RBFOX1: variants seen among roughly 807,000 people sequenced by gnomAD.
The protein encoded by RBFOX1 is RNA binding fox-1 homolog 1.
A neutral mutation model predicts 57.7 loss-of-function variants in RBFOX1; 8 were observed. The ratio of observed to expected loss-of-function variants is 0.14; its 90% CI spans 0.08 to 0.25. The LOEUF (loss-of-function observed/expected upper bound fraction) is 0.25. Among genes scored for constraint, RBFOX1 ranks in the 10% least tolerant of loss-of-function variants. The pLI is 1.00. For missense variants in RBFOX1, 611 were observed against 548.5 expected (o/e 1.11, Z -1.14); for synonymous variants, 326 against 222.4 (o/e 1.47, Z -4.15).
intron 4 of RBFOX1, among the ~76,000 whole-genome samples, chr16:7,359,338 G>T (rs1373705266): frequency 6.6e-6 from 1 of 152,186 alleles, no homozygotes; most frequent in Non-Finnish European, 1.5e-5. Context: ...CACATAGTAA[G>T]CACCTGTTAT....
intron 4 of RBFOX1, among the ~76,000 whole-genome samples, chr16:7,374,999 A>T (rs1243899869): frequency 2.6e-5 from 4 of 152,168 alleles, no homozygotes; most frequent in African/African-American, 9.7e-5. Flanking sequence ...GTGAGAGGAG[A>T]TGTAGAGATA....
intron 4 of RBFOX1, among the ~76,000 whole-genome samples, chr16:5,872,586 A>C (rs2057501437): frequency 6.6e-6 from 1 of 151,866 alleles, no homozygotes; most frequent in Admixed American, 6.6e-5. Context: ...AGAAAAAAAA[A>C]ATTGGCAGGT....
chr16:7,027,974 G>C (rs2041485727), intron 3 of RBFOX1, among the ~76,000 whole-genome samples: 3 of 151,664 alleles, frequency 2.0e-5, no homozygotes, highest in African/African-American at 4.8e-5. Flanking sequence ...AAGAAACAAG[G>C]GTGGAAGGAC....
intron 3 of RBFOX1, among the ~76,000 whole-genome samples, chr16:5,812,571 C>A (rs2055473484): frequency 6.6e-6 from 1 of 151,306 alleles, no homozygotes; most frequent in African/African-American, 2.4e-5. Context: ...GGGATCTTCT[C>A]CCCTTAGCCT....
At chr16:6,052,779 G>A (rs901741350) in intron 1 of RBFOX1, among the ~76,000 whole-genome samples, 3 of 140,968 alleles carry the variant, frequency 2.1e-5, no homozygotes, top group Non-Finnish European at 4.7e-5. Flanking sequence ...GCGAGACTCC[G>A]TCTCAAAAAA....
intron 3 of RBFOX1, among the ~76,000 whole-genome samples, chr16:7,039,352 C>T (rs920703718): frequency 2.0e-5 from 3 of 152,186 alleles, no homozygotes; most frequent in Non-Finnish European, 2.9e-5. Flanking sequence ...AAGATTTTTA[C>T]AGCAGATAAT....
intron 1 of RBFOX1, among the ~76,000 whole-genome samples, chr16:5,389,969 G>A (rs2066359961): frequency 6.6e-6 from 1 of 152,044 alleles, no homozygotes; most frequent in African/African-American, 2.4e-5. Context: ...AAAGTGCTGG[G>A]ATTACAGGCA....
At chr16:6,953,032 A>G (rs368179805) in intron 3 of RBFOX1, among the ~76,000 whole-genome samples, 2 of 152,164 alleles carry the variant, frequency 1.3e-5, no homozygotes, top group African/African-American at 4.8e-5. Flanking sequence ...CTGGCAATGT[A>G]TATTAAGCAT....
chr16:7,028,896 T>C (rs1301672067), intron 3 of RBFOX1, among the ~76,000 whole-genome samples: 1 of 151,106 alleles, frequency 6.6e-6, no homozygotes, highest in Non-Finnish European at 1.5e-5. Flanking sequence ...GCCACTCAGC[T>C]ATGTGTTGCT....
intron 3 of RBFOX1, among the ~76,000 whole-genome samples, chr16:6,675,145 C>G (rs1463119783): frequency 2.0e-5 from 3 of 152,128 alleles, no homozygotes; most frequent in Non-Finnish European, 4.4e-5. Flanking sequence ...ACCTCGTGAT[C>G]CGCCCACCTC....
chr16:5,446,198 A>G (rs1402393680), intron 1 of RBFOX1, among the ~76,000 whole-genome samples: 1 of 152,132 alleles, frequency 6.6e-6, no homozygotes, highest in East Asian at 1.9e-4. Flanking sequence ...GAGTCTAGAA[A>G]CTGACACCCA....
chr16:5,528,474 A>C (rs1267131378), intron 2 of RBFOX1, among the ~76,000 whole-genome samples: 2 of 151,448 alleles, frequency 1.3e-5, no homozygotes. Flanking sequence ...TGTGGCCCTT[A>C]CTGCCTAAAG....
At chr16:6,404,155 T>G (rs1189057538) in intron 2 of RBFOX1, among the ~76,000 whole-genome samples, 6 of 152,204 alleles carry the variant, frequency 3.9e-5, no homozygotes, top group Non-Finnish European at 2.9e-5. Flanking sequence ...GCATCTATAC[T>G]GAACATGAGC....
intron 5 of RBFOX1, among the ~76,000 whole-genome samples, chr16:7,534,337 C>T (rs2080964812): frequency 2.0e-5 from 3 of 151,876 alleles, no homozygotes; most frequent in Admixed American, 6.6e-5. Flanking sequence ...AGGTGATCCG[C>T]CCGTCTCAGC....
intron 3 of RBFOX1, among the ~76,000 whole-genome samples, chr16:6,937,826 A>G (rs997957835): frequency 6.6e-6 from 1 of 152,008 alleles, no homozygotes; most frequent in South Asian, 2.1e-4. Flanking sequence ...GTTTCTTTTC[A>G]GACTTAAGGT....
intron 3 of RBFOX1, among the ~76,000 whole-genome samples, chr16:6,894,087 T>A (rs111706576): frequency 0.012 from 1,776 of 152,054 alleles, 30 homozygotes; most frequent in African/African-American, 0.041. Context: ...ACTGGATCGA[T>A]TGATAGATAG....
At chr16:7,445,988 A>G (rs910065397) in intron 4 of RBFOX1, among the ~76,000 whole-genome samples, 7 of 152,006 alleles carry the variant, frequency 4.6e-5, no homozygotes, top group South Asian at 2.1e-4. Flanking sequence ...AGAGTCGGGG[A>G]TCTTCTCTTT....
intron 12 of RBFOX1, among the ~76,000 whole-genome samples, chr16:7,664,311 G>A (rs1175267999): frequency 7.9e-5 from 12 of 152,114 alleles, no homozygotes; most frequent in Admixed American, 7.9e-4. Flanking sequence ...TCTTGCACAT[G>A]TACCCATGCT....
At chr16:5,591,160 C>CAAT (rs1336276960) in intron 2 of RBFOX1, among the ~76,000 whole-genome samples, 1 of 151,846 alleles carries the variant, frequency 6.6e-6, no homozygotes, top group Non-Finnish European at 1.5e-5. Flanking sequence ...ATATTTTCCT[C>CAAT]AATAATACAT....
Sources: gnomAD v4.1 joint callset for allele counts (sites outside exome capture counted in the v4.1 genomes callset) on GRCh38, gnomAD v4.1.1 for gene constraint, MANE v1.5 for transcripts, NCBI Gene and HGNC (gene_info 2026-07-23, HGNC 2026-07-21) for gene names.